BPIFB4: variants seen among roughly 807,000 people sequenced by gnomAD.
BPIFB4 encodes BPI fold containing family B member 4.
In BPIFB4, 62 loss-of-function variants were observed where a neutral mutation model predicts 69.2. The observed-to-expected ratio is 0.90, with a 90% CI of 0.73 to 1.11. BPIFB4 has a LOEUF of 1.11. BPIFB4 is among the 50% of genes least tolerant of loss of function. The probability of loss-of-function intolerance (pLI) is 0.00; values close to 1 mark genes in which losing one functional copy is unlikely to be tolerated. For missense variants in BPIFB4, 789 were observed against 792.0 expected (o/e 1.00, Z 0.04); for synonymous variants, 330 against 332.7 (o/e 0.99, Z 0.09).
intron 12 of BPIFB4, among the ~76,000 whole-genome samples, chr20:33,097,410 G>T (rs917314160): frequency 1.3e-5 from 2 of 152,208 alleles, no homozygotes; most frequent in Non-Finnish European, 2.9e-5. Flanking sequence ...CATGATCACA[G>T]TTATTTCTCA....
Position 33,097,612 on chromosome 20 carries a change from C to T in BPIFB4, c.1399-5C>T. On this transcript the variant is annotated splice_polypyrimidine_tract_variant and splice_region_variant and intron_variant, in intron 12 of 17. Transcript: ENST00000375483. ...CTGTCCATCTGGCCTGGTGCCTGCC[C>T]ACAGGTGTTCCAGCAGTACCCCGAG... 6.2e-7 allele frequency: 1 copy of T among 1,613,368 alleles called. No individual in the cohort carries two copies. Among genetic ancestry groups the T allele is most frequent in the Non-Finnish European group, 8.5e-7 (1 of 1,179,606 alleles).
In BPIFB4 at chr20:33,089,524, G is replaced by T; in HGVS notation, c.1017G>T (p.Leu339=). Residue 339 remains leucine (L), a synonymous_variant, in exon 9 of 18, where the codon CTG becomes CTT. Transcript: ENST00000375483. Reference sequence around the variant, plus strand: ...TCTGCCCCATCGTGGATGTGGTGCTGGGTCTTGTCAATGACCAGCTGGGCC... The same window carrying T: ...TCTGCCCCATCGTGGATGTGGTGCTTGGTCTTGTCAATGACCAGCTGGGCC... ...DLLCPIVDVV[L]GLVNDQLGLV... 4 of 1,614,244 alleles carry T rather than the reference G, an allele frequency of 2.5e-6. No individual in the cohort carries two copies. Among genetic ancestry groups the T allele is most frequent in the Non-Finnish European group, 3.4e-6 (4 of 1,180,042 alleles).
chr20:33,097,543 G>C, intron 12 of BPIFB4, 74 bp from the exon 13 acceptor site: 1 of 1,459,588 alleles, frequency 6.9e-7, no homozygotes. Context: ...TCTGTGTTTA[G>C]AGGTTGGCTG....
At chr20:33,085,822 T>C (rs1271072483) in intron 6 of BPIFB4, among the ~76,000 whole-genome samples, 199 bp from the exon 7 acceptor site, 5 of 152,202 alleles carry the variant, frequency 3.3e-5, no homozygotes, top group African/African-American at 9.7e-5. Context: ...TCCCAGCCTT[T>C]GAAGCTCATG....
chr20:33,090,779 T>C lies in BPIFB4; in HGVS notation c.1123T>C (p.Phe375Leu). The C allele has an allele frequency of 1.2e-6, 2 of 1,614,140 alleles. No individual in the cohort carries two copies. Among genetic ancestry groups the C allele is most frequent in the South Asian group, 2.2e-5 (2 of 91,072 alleles). Residue 375 changes from phenylalanine (F) to leucine (L), a missense_variant, in exon 10 of 18, where the codon TTC becomes CTC. Phe to Leu is a conservative substitution (Grantham distance 22). Around this residue, in one of 3 missense-constraint regions of BPIFB4, gnomAD observed 611 missense variants for 575.4 expected, o/e 1.06. Transcript: ENST00000375483. ...FSSLPLVTGE[F>L]LELDLNTLVG... Reference sequence around the variant, plus strand: ...CAGCCTCCCGCTTGTGACCGGGGAATTCCTGGAGCTGGACCTCAACGTGAG... The same window carrying C: ...CAGCCTCCCGCTTGTGACCGGGGAACTCCTGGAGCTGGACCTCAACGTGAG...
chr20:33,093,832 A>T lies in BPIFB4; in HGVS notation c.1344+1174A>T, dbSNP rs200012481. Among the ~76,000 whole-genome samples the T allele has an allele frequency of 4.3e-3, 452 of 104,620 alleles. 5 individuals are homozygous for T. The highest frequency in any genetic ancestry group is 0.017 in the East Asian group (83 of 4,760). 68.6% of individuals were successfully genotyped at this position (104,620 alleles called of 152,430 possible). On this transcript the variant is annotated intron_variant, in intron 11 of 17. Coordinates refer to ENST00000375483, the MANE Select transcript of BPIFB4 (RefSeq NM_182519.3). ...CCACCCATTTATGCATTCCTTCACA[A>T]TTCATCCATCCATCCATCCATCCAT...
chr20:33,110,223 C>T (rs1982196193), intron 17 of BPIFB4, among the ~76,000 whole-genome samples: 1 of 152,180 alleles, frequency 6.6e-6, no homozygotes, highest in Admixed American at 6.5e-5. Context: ...AATTCCTCAC[C>T]TTTTCCTTGT....
intron 16 of BPIFB4, among the ~76,000 whole-genome samples, chr20:33,106,376 C>CTTGTTT (rs1555787049): frequency 7.5e-6 from 1 of 133,064 alleles, no homozygotes; most frequent in East Asian, 2.1e-4. Flanking sequence ...TCTTTTCTTT[C>CTTGTTT]TTTTTTTTTT....
At chr20:33,097,905 C>T in intron 13 of BPIFB4, 118 bp downstream of exon 13, 2 of 1,165,210 alleles carry the variant, frequency 1.7e-6, no homozygotes, top group Non-Finnish European at 2.4e-6. Flanking sequence ...GACTATGGGC[C>T]CAACTTTGGG....
At chr20:33,089,740 G>A (rs6059073) in intron 9 of BPIFB4, among the ~76,000 whole-genome samples, 182 bp downstream of exon 9, 1 of 151,326 alleles carries the variant, frequency 6.6e-6, no homozygotes, top group Non-Finnish European at 1.5e-5. Context: ...CCCCCCCCGA[G>A]TACCAGAGGG....
chr20:33,084,814 G>A (rs1368465505), intron 5 of BPIFB4, 78 bp from the exon 6 acceptor site: 3 of 1,534,192 alleles, frequency 2.0e-6, no homozygotes, highest in Non-Finnish European at 2.6e-6. Flanking sequence ...CAGAGAAAGG[G>A]GGTGTAGGGG....
chr20:33,085,202 C>T (rs1981387968), intron 6 of BPIFB4, among the ~76,000 whole-genome samples: 2 of 152,110 alleles, frequency 1.3e-5, no homozygotes, highest in Admixed American at 1.3e-4. Context: ...TGCCTGTCAT[C>T]CCAGCACTTT....
At chr20:33,087,097 C>A (rs1981452994) in intron 7 of BPIFB4, among the ~76,000 whole-genome samples, 1 of 152,204 alleles carries the variant, frequency 6.6e-6, no homozygotes, top group Non-Finnish European at 1.5e-5. Context: ...AGAAAATCAG[C>A]TCCCAGGGTC....
chr20:33,101,211 G>A lies in BPIFB4; in HGVS notation c.1637+718G>A, dbSNP rs1466809341. Among the ~76,000 whole-genome samples the A allele has an allele frequency of 3.3e-5, 5 of 152,172 alleles. No individual in the cohort carries two copies. The East Asian group carries it at 9.6e-4, about 29-fold the overall frequency. On this transcript the variant is annotated intron_variant, in intron 14 of 17. Transcript: ENST00000375483. ...AGGGCTATTATTCTCCCTTTGTAGG[G>A]AGAAAACTAGGGCTGGAAACAGTGG...
chr20:33,089,729 A>ACCC (rs11415806), intron 9 of BPIFB4, among the ~76,000 whole-genome samples, 171 bp downstream of exon 9: 58 of 151,308 alleles, frequency 3.8e-4, no homozygotes, highest in African/African-American at 8.7e-4. Context: ...GCTCCCAAAC[A>ACCC]CCCCCCCCGA....
At chr20:33,090,920 C>T (rs1296637202) in intron 10 of BPIFB4, 121 bp downstream of exon 10, 2 of 1,208,420 alleles carry the variant, frequency 1.7e-6, no homozygotes, top group Admixed American at 2.3e-5. Flanking sequence ...AGGACCCTCT[C>T]GATTAGAAGA....
At chr20:33,104,772 C>A in intron 15 of BPIFB4, 38 bp from the exon 16 acceptor site, 1 of 1,603,936 alleles carries the variant, frequency 6.2e-7, no homozygotes, top group South Asian at 1.1e-5. Context: ...GCTGAGCAAA[C>A]CCCCTGCCCA....
At chr20:33,087,115 G>A (rs1981454124) in intron 7 of BPIFB4, among the ~76,000 whole-genome samples, 1 of 152,182 alleles carries the variant, frequency 6.6e-6, no homozygotes, top group Non-Finnish European at 1.5e-5. Context: ...GTCCAGGCAA[G>A]GAGAGGAGGG....
chr20:33,092,248 G>GT (rs1362474154), intron 10 of BPIFB4, among the ~76,000 whole-genome samples: 1 of 152,186 alleles, frequency 6.6e-6, no homozygotes, highest in Non-Finnish European at 1.5e-5. Context: ...GGCTGTAATT[G>GT]TAAGTGACCA....
Sources: gnomAD v4.1 joint callset for allele counts (sites outside exome capture counted in the v4.1 genomes callset) on GRCh38, gnomAD v4.1.1 for gene constraint, gnomAD v4.1.1 regional missense constraint, MANE v1.5 for transcripts, NCBI Gene and HGNC (gene_info 2026-07-23, HGNC 2026-07-21) for gene names.